The following SLC25A21 variants were observed in gnomAD, a reference collection of about 807,000 sequenced individuals.
SLC25A21 encodes the protein mitochondrial 2-oxodicarboxylate carrier.
SLC25A21 carries 47 observed loss-of-function variants against 43.8 expected under a neutral mutation model. That is an observed-to-expected ratio of 1.07 (90% CI 0.85 to 1.37). SLC25A21 has a LOEUF of 1.37. Ranked by LOEUF, SLC25A21 falls within the 40% of genes most tolerant of loss-of-function variation. The pLI, the probability that SLC25A21 is intolerant of heterozygous loss-of-function variation, is 0.00. For synonymous variants in SLC25A21, 131 were observed against 121.3 expected, an observed-to-expected ratio of 1.08 and a Z score of -0.52; for missense variants, 352 against 350.2, an observed-to-expected ratio of 1.00 and a Z score of -0.04.
chr14:36,782,988 AAAAAAT>A (rs1310497665), intron 3 of SLC25A21, among the ~76,000 whole-genome samples: 2 of 150,724 alleles, frequency 1.3e-5, no homozygotes, highest in East Asian at 3.9e-4. Context: ...TAAAAAATAA[AAAAAAT>A]AAAAATAAAA....
intron 1 of SLC25A21, among the ~76,000 whole-genome samples, chr14:37,121,047 T>G (rs1440791310): frequency 6.6e-6 from 1 of 152,184 alleles, no homozygotes; most frequent in African/African-American, 2.4e-5. Flanking sequence ...GACCAAGGTC[T>G]TTTAACCTTA....
intron 1 of SLC25A21, among the ~76,000 whole-genome samples, chr14:37,002,803 G>T (rs1382369630): frequency 6.6e-6 from 1 of 152,128 alleles, no homozygotes; most frequent in African/African-American, 2.4e-5. Flanking sequence ...ATGATATTCT[G>T]GTGCTTTCTT....
chr14:37,050,696 T>C (rs1216786491), intron 1 of SLC25A21, among the ~76,000 whole-genome samples: 1 of 152,194 alleles, frequency 6.6e-6, no homozygotes, highest in Non-Finnish European at 1.5e-5. Flanking sequence ...CAAGCCAAAG[T>C]CATCTCTTCC....
chr14:37,108,467 G>A (rs1031055313), intron 1 of SLC25A21, among the ~76,000 whole-genome samples: 9 of 152,020 alleles, frequency 5.9e-5, no homozygotes, highest in East Asian at 3.9e-4. Context: ...TCCACTTTAC[G>A]GTTGACTCAT....
intron 1 of SLC25A21, among the ~76,000 whole-genome samples, chr14:37,047,023 C>A (rs552818935): frequency 3.9e-5 from 6 of 152,334 alleles, no homozygotes; most frequent in African/African-American, 1.4e-4. Flanking sequence ...TAAGCAACTA[C>A]TTAGTTGCAC....
At chr14:37,169,795 T>A (rs1964091577) in intron 1 of SLC25A21, among the ~76,000 whole-genome samples, 1 of 152,112 alleles carries the variant, frequency 6.6e-6, no homozygotes, top group Admixed American at 6.6e-5. Flanking sequence ...TATGAAAATG[T>A]TTTTGGCCAA....
chr14:36,911,244 C>T (rs1050301563), intron 1 of SLC25A21, among the ~76,000 whole-genome samples: 2 of 152,162 alleles, frequency 1.3e-5, no homozygotes, highest in African/African-American at 4.8e-5. Flanking sequence ...ATGTATTTTA[C>T]ATGTATTAAT....
intron 1 of SLC25A21, among the ~76,000 whole-genome samples, chr14:36,876,080 G>T (rs182671506): frequency 6.6e-6 from 1 of 152,140 alleles, no homozygotes; most frequent in African/African-American, 2.4e-5. Context: ...CAACTGATTC[G>T]CCCAAAGGCC....
intron 1 of SLC25A21, among the ~76,000 whole-genome samples, chr14:36,905,494 A>G (rs760839498): frequency 2.6e-5 from 4 of 152,202 alleles, no homozygotes; most frequent in Non-Finnish European, 4.4e-5. Flanking sequence ...AGCTGTTGTA[A>G]TCTTCATTGT....
chr14:37,047,328 T>G (rs1961607639), intron 1 of SLC25A21, among the ~76,000 whole-genome samples: 1 of 152,236 alleles, frequency 6.6e-6, no homozygotes, highest in African/African-American at 2.4e-5. Context: ...AGACATGTTT[T>G]GAAATGTACA....
intron 7 of SLC25A21, among the ~76,000 whole-genome samples, chr14:36,709,074 C>T (rs1261727512): frequency 1.3e-5 from 2 of 151,674 alleles, no homozygotes; most frequent in African/African-American, 4.8e-5. Flanking sequence ...ATGGCGCCAG[C>T]TCGGCTCACT....
chr14:36,984,756 C>T (rs1960107232), intron 1 of SLC25A21, among the ~76,000 whole-genome samples: 2 of 152,058 alleles, frequency 1.3e-5, no homozygotes, highest in Admixed American at 1.3e-4. Flanking sequence ...ATATGCCCTT[C>T]ACCCACAGAC....
chr14:36,879,003 T>C (rs1168263877), intron 1 of SLC25A21, among the ~76,000 whole-genome samples: 1 of 152,200 alleles, frequency 6.6e-6, no homozygotes, highest in African/African-American at 2.4e-5. Context: ...AAAAAATACA[T>C]AAGAACTTAA....
rs531673747 is a variant in SLC25A21, at chr14:37,049,425, C to T, written c.70+122856G>A. On this transcript the variant is annotated intron_variant, in intron 1 of 9. Transcript: ENST00000331299. ...CCCATCTCTACAAAAATTAAAAATT[C>T]GCTGGGCATGGTGGTGTGTGCCTAC... is the stretch of plus-strand genomic sequence containing the variant. Among the ~76,000 whole-genome samples the T allele has an allele frequency of 2.5e-3, 380 of 151,854 alleles. 1 individual carries two copies. The highest frequency in any genetic ancestry group is 4.1e-3 in the Non-Finnish European group (276 of 67,900).
chr14:36,715,041 A>C (rs1476800992), intron 6 of SLC25A21, among the ~76,000 whole-genome samples: 1 of 152,230 alleles, frequency 6.6e-6, no homozygotes. Context: ...AAATGGCTTA[A>C]GCAGAATTCT....
At chr14:36,977,445 A>G (rs1959903910) in intron 1 of SLC25A21, among the ~76,000 whole-genome samples, 1 of 152,220 alleles carries the variant, frequency 6.6e-6, no homozygotes, top group African/African-American at 2.4e-5. Flanking sequence ...CCTATAACAT[A>G]AAACCACCAG....
chr14:36,711,816 T>C (rs1265393947), intron 6 of SLC25A21, among the ~76,000 whole-genome samples: 2 of 152,220 alleles, frequency 1.3e-5, no homozygotes, highest in Non-Finnish European at 1.5e-5. Flanking sequence ...ATGAAGGAGA[T>C]TAACCATATA....
chr14:36,703,099 C>A (rs1051599007), intron 7 of SLC25A21, among the ~76,000 whole-genome samples: 4 of 152,080 alleles, frequency 2.6e-5, no homozygotes, highest in Non-Finnish European at 5.9e-5. Flanking sequence ...ATGTTCCTGC[C>A]CTTCCCATTA....
At chr14:36,915,085 A>G (rs1179655459) in intron 1 of SLC25A21, among the ~76,000 whole-genome samples, 1 of 152,088 alleles carries the variant, frequency 6.6e-6, no homozygotes, top group Non-Finnish European at 1.5e-5. Flanking sequence ...TCCTTAAAAT[A>G]CTATCAAATA....
Sources: allele counts gnomAD v4.1 joint callset (sites outside exome capture counted in the v4.1 genomes callset), GRCh38; gene constraint gnomAD v4.1.1; transcripts MANE v1.5; gene names NCBI Gene and HGNC (gene_info 2026-07-23, HGNC 2026-07-21).